The following LONP2 variants were observed in gnomAD, a reference collection of about 807,000 sequenced individuals.
The protein encoded by LONP2 is lon peptidase 2, peroxisomal, also known as lon protease homolog 2, peroxisomal.
A neutral mutation model predicts 85.6 loss-of-function variants in LONP2; 60 were observed. The ratio of observed to expected loss-of-function variants is 0.70; its 90% CI spans 0.57 to 0.87. LONP2 has a LOEUF of 0.87. Ranked by LOEUF, LONP2 falls within the 40% of genes least tolerant of loss-of-function variation. The pLI is 0.00. For synonymous variants in LONP2, 395 were observed against 389.7 expected (o/e 1.01, Z -0.16); for missense variants, 860 against 1,063.5 (o/e 0.81, Z 2.66).
intron 4 of LONP2, among the ~76,000 whole-genome samples, chr16:48,261,177 A>C (rs1158927327): frequency 6.6e-6 from 1 of 152,174 alleles, no homozygotes; most frequent in Admixed American, 6.5e-5. Context: ...TTGTTTTCTC[A>C]TGCAAGTATT....
Position 48,252,304 on chromosome 16 carries a change from C to G in LONP2, c.407C>G (p.Thr136Ser). ...GACCGACTTGAGGAGTTTCCCAACA[C>G]CTGTAAAATGAGGGAGGAGCTAGGA... The part of the protein sequence containing the change: ...QLDRLEEFPN[T>S]CKMREELGEL... The change falls in exon 2 of 15, where the codon ACC becomes AGC. Residue 136 changes from threonine to serine, a missense_variant. By Grantham distance (58) the Thr-to-Ser change is moderately conservative. Coordinates refer to ENST00000285737, the MANE Select transcript of LONP2 (RefSeq NM_031490.5). The G allele has an allele frequency of 6.2e-7, 1 of 1,613,688 alleles. No homozygotes were observed. The highest frequency in any genetic ancestry group is 1.3e-5 in the African/African-American group (1 of 75,014).
chr16:48,349,549 C>T (rs1960074782), intron 14 of LONP2, among the ~76,000 whole-genome samples: 2 of 152,214 alleles, frequency 1.3e-5, no homozygotes, highest in African/African-American at 2.4e-5. Flanking sequence ...GAGACAGCCA[C>T]AGCGGCCTGG....
intron 11 of LONP2, among the ~76,000 whole-genome samples, chr16:48,312,838 C>A (rs1973062899): frequency 6.6e-6 from 1 of 152,126 alleles, no homozygotes; most frequent in African/African-American, 2.4e-5. Flanking sequence ...CTTTGTAATT[C>A]AAGAATTATT....
Position 48,362,629 on chromosome 16 carries a change from G to A in LONP2, c.*766G>A. The A allele has an allele frequency of 3.6e-6, 2 of 556,728 alleles. No individual in the cohort carries two copies. The highest frequency in any genetic ancestry group is 6.4e-6 in the Non-Finnish European group (2 of 311,264). 34.5% of individuals were successfully genotyped at this position (556,728 alleles called of 1,614,324 possible). A position where few individuals can be genotyped will look rare whatever the true frequency, so the allele number is the denominator to read the frequency against. The stretch of plus-strand genomic sequence containing the variant: ...TGCACTTTATTAGGATCTGTACACT[G>A]GATAAGCTCTCTTTTCAAAATGTTC... On this transcript the variant is annotated 3_prime_UTR_variant, in exon 5 of 5. Coordinates refer to the LONP2 transcript ENST00000565867. This position sits in a 1 kb window ranked among gnomAD's most constrained non-coding sequence, Gnocchi z 4.2.
intron 6 of LONP2, among the ~76,000 whole-genome samples, chr16:48,264,109 C>T (rs760404565): frequency 3.9e-5 from 6 of 152,120 alleles, no homozygotes; most frequent in Admixed American, 2.6e-4. Context: ...ACCACAGCTC[C>T]GAGGCGAAAT....
At chr16:48,272,224 C>G (rs1972119835) in intron 7 of LONP2, among the ~76,000 whole-genome samples, 1 of 152,208 alleles carries the variant, frequency 6.6e-6, no homozygotes, top group Non-Finnish European at 1.5e-5. Context: ...TTTAGATTTA[C>G]AAGCTTCAGT....
chr16:48,265,331 A>G (rs1205987100), intron 6 of LONP2, among the ~76,000 whole-genome samples: 7 of 152,068 alleles, frequency 4.6e-5, no homozygotes, highest in Non-Finnish European at 1.0e-4. Flanking sequence ...ATTTTGTTCT[A>G]GGAGTTTTAC....
chr16:48,281,606 T>A (rs1201861659), intron 8 of LONP2, among the ~76,000 whole-genome samples: 1 of 152,198 alleles, frequency 6.6e-6, no homozygotes, highest in Non-Finnish European at 1.5e-5. Context: ...TTGTTAAATA[T>A]GAATGCATAT....
At chr16:48,359,488 C>G (rs1960494646), downstream of LONP2, among the ~76,000 whole-genome samples, 1 of 152,058 alleles carries the variant, frequency 6.6e-6, no homozygotes, top group African/African-American at 2.4e-5. Flanking sequence ...ACTTGGGAGG[C>G]AGGCGGATCA....
chr16:48,355,844 A>AAAT lies in LONP2; in HGVS notation c.*4043_*4045dup, dbSNP rs1351881497. 1.3e-5 allele frequency: 2 copies of AAAT among 152,206 alleles called. No individual in the cohort carries two copies. Among genetic ancestry groups the AAAT allele is most frequent in the Non-Finnish European group, 2.9e-5 (2 of 68,030 alleles). 9.4% of individuals were successfully genotyped at this position (152,206 alleles called of 1,614,324 possible). A position where few individuals can be genotyped will look rare whatever the true frequency, so the allele number is the denominator to read the frequency against. ...TTTTATTGAAAATTATTAACTCTAGAAATTTTAGTTTAAACTAGACTTAGG... is the reference window on the plus strand; with the variant it reads ...TTTTATTGAAAATTATTAACTCTAGAAATAATTTTAGTTTAAACTAGACTTAGG... On this transcript the variant is annotated 3_prime_UTR_variant, in exon 15 of 15. Coordinates refer to ENST00000285737, the MANE Select transcript of LONP2 (RefSeq NM_031490.5).
Position 48,303,185 on chromosome 16 carries a change from G to T in LONP2, c.1675G>T (p.Ala559Ser), listed in dbSNP as rs764770700. 2.5e-6 allele frequency: 4 copies of T among 1,613,952 alleles called. No individual in the cohort carries two copies. The highest frequency in any genetic ancestry group is 3.4e-6 in the Non-Finnish European group (4 of 1,180,004). ...GTTTGATGACAGGTATACCAGAGAG[G>T]CAGGGGTTCGTTCTCTGGATAGAAA... The part of the protein sequence containing the change: ...LDIITRYTRE[A>S]GVRSLDRKLG... The change falls in exon 11 of 15, where the codon GCA becomes TCA. Residue 559 changes from alanine (A) to serine (S), a missense_variant. Ala to Ser is a moderately conservative substitution (Grantham distance 99). This residue lies in a region of LONP2 where 743 missense variants were observed against 917.3 expected (regional missense o/e 0.81). Coordinates refer to ENST00000285737, the MANE Select transcript of LONP2 (RefSeq NM_031490.5).
intron 2 of LONP2, among the ~76,000 whole-genome samples, chr16:48,256,104 C>A (rs1002693960): frequency 7.9e-5 from 12 of 152,108 alleles, no homozygotes; most frequent in African/African-American, 2.9e-4. Context: ...TTCTTAAGAA[C>A]AAGGGTCCTT....
chr16:48,314,806 A>C (rs923014990), intron 11 of LONP2, among the ~76,000 whole-genome samples: 1 of 152,032 alleles, frequency 6.6e-6, no homozygotes, highest in African/African-American at 2.4e-5. Flanking sequence ...TTTGTTTTCT[A>C]ATTTTTTGTT....
chr16:48,304,011 A>G (rs149488409), intron 11 of LONP2, among the ~76,000 whole-genome samples: 4 of 152,294 alleles, frequency 2.6e-5, no homozygotes, highest in African/African-American at 7.2e-5. Flanking sequence ...TCCTTTGACT[A>G]TATCCTCACA....
At chr16:48,286,123 A>G (rs568140491) in intron 8 of LONP2, among the ~76,000 whole-genome samples, 2 of 151,170 alleles carry the variant, frequency 1.3e-5, no homozygotes, top group Admixed American at 1.3e-4. Flanking sequence ...AAGCATATTT[A>G]TAGTAGCTGA....
At chr16:48,294,211 G>A (rs879463568) in intron 8 of LONP2, among the ~76,000 whole-genome samples, 2 of 152,084 alleles carry the variant, frequency 1.3e-5, no homozygotes, top group East Asian at 1.9e-4. Flanking sequence ...AAAGTACTTG[G>A]ATTACAGGTG....
At chr16:48,321,128 A>G (rs956028348) in intron 11 of LONP2, among the ~76,000 whole-genome samples, 1 of 151,992 alleles carries the variant, frequency 6.6e-6, no homozygotes, top group African/African-American at 2.4e-5. Flanking sequence ...CAAGAAATCC[A>G]CCTGTCTCAG....
Position 48,258,758 on chromosome 16 carries a change from C to A in LONP2, c.723+18C>A. 1.3e-6 allele frequency: 2 copies of A among 1,579,498 alleles called. No individual in the cohort carries two copies. Among genetic ancestry groups the A allele is most frequent in the Middle Eastern group, 3.4e-4 (2 of 5,904 alleles). ...ATAAGAGGGTAAATATTTATTTTAA[C>A]CCATTTCAGTTTTGAAAAAAAAATA... On this transcript the variant is annotated intron_variant, in intron 4 of 14. Coordinates refer to ENST00000285737, the MANE Select transcript of LONP2 (RefSeq NM_031490.5).
intron 11 of LONP2, among the ~76,000 whole-genome samples, chr16:48,307,368 T>C (rs1972932963): frequency 6.6e-6 from 1 of 152,242 alleles, no homozygotes; most frequent in Non-Finnish European, 1.5e-5. Context: ...TTCTGCTTTT[T>C]GCCTGCCTTT....
Sources: gnomAD v4.1 joint callset for allele counts (sites outside exome capture counted in the v4.1 genomes callset) on GRCh38, gnomAD v4.1.1 for gene constraint, gnomAD v4.1.1 regional missense constraint, Gnocchi (gnomAD v3.1) non-coding constraint, MANE v1.5 for transcripts, NCBI Gene and HGNC (gene_info 2026-07-23, HGNC 2026-07-21) for gene names.